Variants in SYT16 observed in about 807,000 individuals in gnomAD.
The protein encoded by SYT16 is synaptotagmin 16, also known as synaptotagmin-16.
Under a neutral mutation model 61.4 loss-of-function variants are expected in SYT16, and 42 were observed. The ratio of observed to expected loss-of-function variants is 0.68; its 90% confidence interval spans 0.53 to 0.89. The LOEUF (loss-of-function observed/expected upper bound fraction) is 0.89, where lower values mean the gene tolerates loss of function less well. Ranked by LOEUF, SYT16 falls within the 40% of genes least tolerant of loss-of-function variation. The pLI is 0.00. For missense variants in SYT16, 804 were observed against 807.3 expected, an observed-to-expected ratio of 1.00 and a Z score of 0.05; for synonymous variants, 314 against 302.3, an observed-to-expected ratio of 1.04 and a Z score of -0.40.
chr14:61,815,234 G>T (rs117391348), intron 1 of SYT16, among the ~76,000 whole-genome samples: 89 of 152,318 alleles, frequency 5.8e-4, no homozygotes, highest in Non-Finnish European at 9.8e-4. Context: ...TACCTCTGCA[G>T]GTGAGGAAGT....
chr14:61,986,277 C>A (rs190426277), intron 2 of SYT16, among the ~76,000 whole-genome samples: 1 of 151,752 alleles, frequency 6.6e-6, no homozygotes, highest in Non-Finnish European at 1.5e-5. Flanking sequence ...TAAGCTTTAG[C>A]GTAGCTCCTA....
chr14:61,913,672 A>G (rs577434573), intron 1 of SYT16, among the ~76,000 whole-genome samples: 35 of 151,164 alleles, frequency 2.3e-4, no homozygotes, highest in African/African-American at 7.5e-4. Flanking sequence ...TAAAAATGAT[A>G]GAAGAAAATA....
chr14:62,017,723 GTT>G (rs796667323), intron 3 of SYT16, among the ~76,000 whole-genome samples: 7 of 141,352 alleles, frequency 5.0e-5, no homozygotes, highest in Non-Finnish European at 7.8e-5. Context: ...TCAGTGTGTG[GTT>G]TTTTTTTTTT....
At chr14:61,933,464 T>C (rs2049856115) in intron 1 of SYT16, among the ~76,000 whole-genome samples, 1 of 152,242 alleles carries the variant, frequency 6.6e-6, no homozygotes, top group Non-Finnish European at 1.5e-5. Flanking sequence ...AGTACAGTTA[T>C]GTGATTTTTC....
chr14:61,908,541 G>A (rs2048809530), intron 1 of SYT16, among the ~76,000 whole-genome samples: 1 of 152,100 alleles, frequency 6.6e-6, no homozygotes, highest in Non-Finnish European at 1.5e-5. Context: ...AAATAAAATG[G>A]AGAACACAGT....
intron 2 of SYT16, among the ~76,000 whole-genome samples, chr14:61,982,992 A>T (rs914624478): frequency 4.6e-5 from 7 of 152,186 alleles, no homozygotes; most frequent in Admixed American, 3.3e-4. Context: ...CCTAATATTT[A>T]TTACACTTTA....
chr14:61,905,635 C>A (rs1171802490), intron 1 of SYT16, among the ~76,000 whole-genome samples: 1 of 152,172 alleles, frequency 6.6e-6, no homozygotes, highest in African/African-American at 2.4e-5. Context: ...ACTGTCCACA[C>A]CCCGGGTCTC....
intron 7 of SYT16, among the ~76,000 whole-genome samples, chr14:62,099,151 A>G (rs1038364163): frequency 3.3e-5 from 5 of 152,182 alleles, no homozygotes; most frequent in Admixed American, 6.5e-5. Context: ...AGTGGGAAGT[A>G]TTGAAGACTT....
chr14:61,935,029 G>T (rs1193503028), intron 1 of SYT16, among the ~76,000 whole-genome samples: 1 of 152,104 alleles, frequency 6.6e-6, no homozygotes, highest in Non-Finnish European at 1.5e-5. Flanking sequence ...ATGATATTTT[G>T]ATATGTATGG....
rs768870049 is a variant in SYT16, at chr14:62,099,897, GTCTC to G, written c.1625-490_1625-487del. 2.9e-3 allele frequency among the ~76,000 whole-genome samples: 434 copies of G among 151,538 alleles called. 4 individuals are homozygous for G. Among genetic ancestry groups the G allele is most frequent in the Non-Finnish European group, 4.0e-3 (274 of 67,844 alleles). ...TGTGTGTCTGTCTGTCTGTCTGTCT[GTCTC>G]TCTCTCACTCACACACACATGCACA... On this transcript the variant is annotated intron_variant, in intron 7 of 7. Coordinates refer to ENST00000683842, the MANE Select transcript of SYT16 (RefSeq NM_001367656.1).
intron 3 of SYT16, among the ~76,000 whole-genome samples, chr14:62,053,630 C>T (rs1052760748): frequency 1.3e-5 from 2 of 152,046 alleles, no homozygotes; most frequent in Non-Finnish European, 2.9e-5. Context: ...GTGCTTTATT[C>T]TTAATAGTAT....
intron 1 of SYT16, among the ~76,000 whole-genome samples, chr14:61,956,956 CCATTT>C: frequency 6.6e-6 from 1 of 151,640 alleles, no homozygotes; most frequent in Non-Finnish European, 1.5e-5. Context: ...GGATGTCTTT[CCATTT>C]ATTTGTATCT....
chr14:62,055,562 A>G (rs2055514833), intron 3 of SYT16, among the ~76,000 whole-genome samples: 2 of 152,304 alleles, frequency 1.3e-5, no homozygotes, highest in Admixed American at 1.3e-4. Flanking sequence ...TACTTTCATC[A>G]TGGCTCTTCT....
intron 1 of SYT16, among the ~76,000 whole-genome samples, chr14:61,847,964 T>C (rs1208290453): frequency 6.6e-6 from 1 of 152,238 alleles, no homozygotes. Flanking sequence ...ATTCTTCGTG[T>C]TATCTTGAAT....
chr14:61,975,299 C>G (rs995207018), intron 2 of SYT16, among the ~76,000 whole-genome samples: 1 of 151,990 alleles, frequency 6.6e-6, no homozygotes, highest in African/African-American at 2.4e-5. Context: ...AATTTTTTTT[C>G]AAGCTATTAA....
At chr14:62,054,141 G>A (rs1420717612) in intron 3 of SYT16, among the ~76,000 whole-genome samples, 1 of 152,152 alleles carries the variant, frequency 6.6e-6, no homozygotes, top group Admixed American at 6.5e-5. Flanking sequence ...GGCATCCACG[G>A]CATAGAAGTG....
rs2057402626 is a variant in SYT16 at position 62,100,801 on chromosome 14, C to T, written c.*94C>T. 2 of 1,322,870 alleles carry T rather than the reference C, an allele frequency of 1.5e-6. No individual in the cohort carries two copies. The highest frequency in any genetic ancestry group is 2.0e-6 in the Non-Finnish European group (2 of 980,350). 81.9% of individuals were successfully genotyped at this position (1,322,870 alleles called of 1,614,324 possible). On this transcript the variant is annotated 3_prime_UTR_variant, in exon 8 of 8. Coordinates refer to ENST00000683842, the MANE Select transcript of SYT16 (RefSeq NM_001367656.1). ...TGTCCTGGCAAGGGTTTCAGGGTTT[C>T]AAAAACAGATTCCACTAACCCCTAG...
At chr14:62,039,556 T>C (rs1411311238) in intron 3 of SYT16, among the ~76,000 whole-genome samples, 1 of 152,094 alleles carries the variant, frequency 6.6e-6, no homozygotes, top group Non-Finnish European at 1.5e-5. Flanking sequence ...AAATAGCTAG[T>C]CAAGATAGAA....
At chr14:62,038,408 A>G (rs2054593030) in intron 3 of SYT16, among the ~76,000 whole-genome samples, 2 of 150,868 alleles carry the variant, frequency 1.3e-5, no homozygotes, top group African/African-American at 4.9e-5. Flanking sequence ...CCCTGGAGAA[A>G]CCCCTGTCCA....
Sources: gnomAD v4.1 joint callset for allele counts (sites outside exome capture counted in the v4.1 genomes callset) on GRCh38, gnomAD v4.1.1 for gene constraint, MANE v1.5 for transcripts, NCBI Gene and HGNC (gene_info 2026-07-23, HGNC 2026-07-21) for gene names.